AFG1L: variants seen among roughly 807,000 people sequenced by gnomAD.
AFG1L encodes the protein AFG1-like ATPase.
A neutral mutation model predicts 62.2 loss-of-function variants in AFG1L; 53 were observed. That is an observed-to-expected ratio of 0.85 (90% CI 0.68 to 1.07). The LOEUF (loss-of-function observed/expected upper bound fraction) is 1.07, where lower values mean the gene tolerates loss of function less well. Ranked by LOEUF, AFG1L falls within the 50% of genes least tolerant of loss-of-function variation. The pLI, the probability that AFG1L is intolerant of heterozygous loss-of-function variation, is 0.00. For missense variants in AFG1L, 555 were observed against 590.5 expected (o/e 0.94, Z 0.62); for synonymous variants, 228 against 210.3 (o/e 1.08, Z -0.73).
intron 6 of AFG1L, among the ~76,000 whole-genome samples, chr6:108,372,579 C>T (rs1383921801): frequency 2.0e-5 from 3 of 152,086 alleles, no homozygotes; most frequent in Admixed American, 6.6e-5. Context: ...CCGCCCACCT[C>T]GGCCTCCCAA....
At chr6:108,450,938 TAA>T (rs201994960) in intron 8 of AFG1L, among the ~76,000 whole-genome samples, 86 of 136,656 alleles carry the variant, frequency 6.3e-4, no homozygotes, top group Admixed American at 8.9e-4. Context: ...CCACTGGTAT[TAA>T]AAAAAAAAAA....
At chr6:108,413,756 C>A (rs1782222759) in intron 7 of AFG1L, among the ~76,000 whole-genome samples, 1 of 152,036 alleles carries the variant, frequency 6.6e-6, no homozygotes, top group Non-Finnish European at 1.5e-5. Flanking sequence ...ATCTCTGGGA[C>A]ACATTCAAAG....
intron 2 of AFG1L, among the ~76,000 whole-genome samples, chr6:108,344,280 T>C (rs996722018): frequency 6.6e-6 from 1 of 152,090 alleles, no homozygotes; most frequent in African/African-American, 2.4e-5. Context: ...GCCCAGCTAA[T>C]TTTTGTATTT....
intron 6 of AFG1L, among the ~76,000 whole-genome samples, chr6:108,389,582 A>G (rs976188517): frequency 3.9e-5 from 6 of 152,084 alleles, no homozygotes; most frequent in Non-Finnish European, 4.4e-5. Flanking sequence ...GGTGGTGACA[A>G]AATCTCTCAG....
intron 7 of AFG1L, among the ~76,000 whole-genome samples, chr6:108,410,685 T>G (rs990615121): frequency 6.6e-6 from 1 of 152,154 alleles, no homozygotes; most frequent in Non-Finnish European, 1.5e-5. Flanking sequence ...TGGTGGTCAT[T>G]GAATCTGACT....
At chr6:108,449,678 G>A (rs1019233993) in intron 8 of AFG1L, among the ~76,000 whole-genome samples, 2 of 151,942 alleles carry the variant, frequency 1.3e-5, no homozygotes, top group African/African-American at 4.8e-5. Flanking sequence ...ATATACATGT[G>A]CCATGTTGGT....
chr6:108,393,470 T>C (rs1208200664), intron 6 of AFG1L, among the ~76,000 whole-genome samples: 12 of 151,994 alleles, frequency 7.9e-5, no homozygotes, highest in Non-Finnish European at 1.6e-4. Flanking sequence ...ATGATATATA[T>C]ATCCTTGTAA....
intron 7 of AFG1L, among the ~76,000 whole-genome samples, chr6:108,419,764 G>A (rs1770504331): frequency 6.6e-6 from 1 of 151,994 alleles, no homozygotes; most frequent in Non-Finnish European, 1.5e-5. Flanking sequence ...TGATATATTA[G>A]TTTTTATGTT....
intron 7 of AFG1L, among the ~76,000 whole-genome samples, chr6:108,422,423 T>C (rs1770630750): frequency 6.9e-6 from 1 of 145,426 alleles, no homozygotes. Context: ...TTTCTGGCAG[T>C]TGAATTATGT....
chr6:108,370,658 C>T (rs531604693), intron 6 of AFG1L, among the ~76,000 whole-genome samples: 2 of 152,048 alleles, frequency 1.3e-5, no homozygotes, highest in Non-Finnish European at 2.9e-5. Context: ...GTGAAGTAGA[C>T]AGCACTTGGA....
chr6:108,484,103 G>A (rs1035659024), intron 10 of AFG1L, among the ~76,000 whole-genome samples: 1 of 152,330 alleles, frequency 6.6e-6, no homozygotes, highest in Middle Eastern at 3.4e-3. Flanking sequence ...AGTCAAGGCT[G>A]ATGGTGTTGG....
intron 7 of AFG1L, among the ~76,000 whole-genome samples, chr6:108,417,187 T>C (rs1770337200): frequency 1.3e-5 from 2 of 150,130 alleles, no homozygotes; most frequent in Non-Finnish European, 3.0e-5. Flanking sequence ...TAAGCCACGA[T>C]TGCACCACTG....
chr6:108,401,626 AT>A (rs1206066825), intron 6 of AFG1L, among the ~76,000 whole-genome samples: 8 of 151,846 alleles, frequency 5.3e-5, no homozygotes, highest in African/African-American at 9.7e-5. Context: ...AAAGGAGAGA[AT>A]TTTTTTTATA....
At chr6:108,353,417 A>G (rs1779155204) in intron 3 of AFG1L, among the ~76,000 whole-genome samples, 1 of 152,096 alleles carries the variant, frequency 6.6e-6, no homozygotes, top group Non-Finnish European at 1.5e-5. Context: ...CGGCCTCCCA[A>G]AGTGCTGAAA....
chr6:108,489,992 G>C (rs934039911), intron 10 of AFG1L, among the ~76,000 whole-genome samples: 7 of 152,238 alleles, frequency 4.6e-5, no homozygotes, highest in African/African-American at 1.7e-4. Context: ...CAGAGGACTA[G>C]TATAGTTTAA....
intron 10 of AFG1L, among the ~76,000 whole-genome samples, chr6:108,506,390 G>A (rs1374863188): frequency 6.6e-6 from 1 of 152,108 alleles, no homozygotes; most frequent in African/African-American, 2.4e-5. Context: ...TGTATCTTTT[G>A]TAGAGATGGG....
rs1461947498 is a variant in AFG1L, at chr6:108,437,516, A to G, written c.808-9698A>G. Among the ~76,000 whole-genome samples the G allele has an allele frequency of 2.6e-5, 4 of 152,252 alleles. No homozygotes were observed. In the East Asian group the frequency reaches 5.8e-4, roughly 22 times the overall value. The stretch of plus-strand genomic sequence containing the variant: ...AAGACTGACATCCTTGGTTTAGATG[A>G]TCAAGTGAAAGCCATAGGAACAGTG... On this transcript the variant is annotated intron_variant, in intron 7 of 12. Transcript: ENST00000368977.
intron 10 of AFG1L, among the ~76,000 whole-genome samples, chr6:108,490,028 C>T (rs1039343721): frequency 5.3e-5 from 8 of 152,154 alleles, no homozygotes; most frequent in African/African-American, 1.2e-4. Flanking sequence ...AAACTATACA[C>T]GTTCCTCACC....
chr6:108,344,127 T>G (rs1778780307), intron 2 of AFG1L, among the ~76,000 whole-genome samples: 1 of 152,144 alleles, frequency 6.6e-6, no homozygotes. Flanking sequence ...GTTTGTTTGT[T>G]TTTTGAGATG....
Sources: allele counts gnomAD v4.1 joint callset (sites outside exome capture counted in the v4.1 genomes callset), GRCh38; gene constraint gnomAD v4.1.1; transcripts MANE v1.5; gene names NCBI Gene and HGNC (gene_info 2026-07-23, HGNC 2026-07-21).